Variants in CSGALNACT2 observed in about 807,000 individuals in gnomAD.
CSGALNACT2 encodes chondroitin sulfate N-acetylgalactosaminyltransferase 2.
CSGALNACT2 carries 35 observed loss-of-function variants against 55.3 expected under a neutral mutation model. That is an observed-to-expected ratio of 0.63 (90% CI 0.48 to 0.84). The LOEUF (loss-of-function observed/expected upper bound fraction) is 0.84. Ranked by LOEUF, CSGALNACT2 falls within the 40% of genes least tolerant of loss-of-function variation. The pLI is 0.00. For missense variants in CSGALNACT2, 544 were observed against 657.5 expected, an observed-to-expected ratio of 0.83 and a Z score of 1.89; for synonymous variants, 196 against 224.9, an observed-to-expected ratio of 0.87 and a Z score of 1.15.
chr10:43,158,893 A>G lies in CSGALNACT2; in HGVS notation c.840A>G (p.Glu280=). ...TTAATATCATTGTGCCACTTGCTGAAAGAACTGAAGCATTTGTACAATTTA... is the reference window on the plus strand; with the variant it reads ...TTAATATCATTGTGCCACTTGCTGAGAGAACTGAAGCATTTGTACAATTTA... ...SIINIIVPLA[E]RTEAFVQFMQ... The change falls in exon 3 of 8, where the codon GAA becomes GAG. Residue 280 remains glutamate (E), a synonymous_variant. Coordinates refer to ENST00000374466, the MANE Select transcript of CSGALNACT2 (RefSeq NM_018590.5). The G allele has an allele frequency of 6.2e-7, 1 of 1,611,294 alleles. No individual in the cohort carries two copies. The highest frequency in any genetic ancestry group is 8.5e-7 in the Non-Finnish European group (1 of 1,177,784).
Position 43,144,579 on chromosome 10 carries a change from T to A in CSGALNACT2, c.-254+6012T>A, listed in dbSNP as rs1054979594. ...AAACTGGAGGGGTTTTTTTTTGTTG[T>A]TGTTTTACAAATGCCTTTTTGGCAC... On this transcript the variant is annotated intron_variant, in intron 1 of 7. Coordinates refer to ENST00000374466, the MANE Select transcript of CSGALNACT2 (RefSeq NM_018590.5). 5.9e-5 allele frequency among the ~76,000 whole-genome samples: 9 copies of A among 152,338 alleles called. No homozygotes were observed. The East Asian group carries it at 1.3e-3, about 23-fold the overall frequency.
intron 4 of CSGALNACT2, chr10:43,162,365 G>A (rs1276920170): frequency 2.1e-5 from 25 of 1,199,186 alleles, no homozygotes; most frequent in Admixed American, 4.2e-5. Flanking sequence ...GGCCAGGTTG[G>A]GTGGGGGTAT....
At chr10:43,151,157 T>C (rs1838866081) in intron 1 of CSGALNACT2, among the ~76,000 whole-genome samples, 1 of 152,210 alleles carries the variant, frequency 6.6e-6, no homozygotes, top group African/African-American at 2.4e-5. Context: ...TTCCCACATC[T>C]GTCAGTTCTA....
intron 1 of CSGALNACT2, among the ~76,000 whole-genome samples, chr10:43,139,529 G>A (rs1258928838): frequency 6.6e-6 from 1 of 152,160 alleles, no homozygotes; most frequent in East Asian, 1.9e-4. Context: ...AAATCAATAA[G>A]AGCACGAATC....
At chr10:43,156,500 C>G (rs1839012488) in intron 2 of CSGALNACT2, among the ~76,000 whole-genome samples, 1 of 152,210 alleles carries the variant, frequency 6.6e-6, no homozygotes, top group African/African-American at 2.4e-5. Flanking sequence ...TAATTGCTGA[C>G]TTAAACCATT....
At position 43,156,715 on chromosome 10, in the gene CSGALNACT2, G is replaced by T. The variant is rs12571683; in HGVS notation, c.661+905G>T. ...ATTCTCATAAAGAGCGTGCAGTGTA[G>T]ATTCCTTGCATGTGCAGTTCACAAC... is the stretch of plus-strand genomic sequence containing the variant. On this transcript the variant is annotated intron_variant, in intron 2 of 7. Coordinates refer to ENST00000374466, the MANE Select transcript of CSGALNACT2 (RefSeq NM_018590.5). Among the ~76,000 whole-genome samples the T allele has an allele frequency of 8.4e-3, 1,281 of 152,334 alleles. 53 individuals carry two copies. In the East Asian group the frequency reaches 0.096, roughly 11 times the overall value.
chr10:43,168,863 C>T (rs1055184776), intron 6 of CSGALNACT2, among the ~76,000 whole-genome samples: 3 of 152,214 alleles, frequency 2.0e-5, no homozygotes, highest in East Asian at 1.9e-4. Flanking sequence ...TGTTAGCAGC[C>T]GTAAGTCTTG....
At position 43,167,050 on chromosome 10, in the gene CSGALNACT2, C is replaced by T. The variant is rs942012726; in HGVS notation, c.1206C>T (p.Ala402=). ...TGGTGTTCAGTCTTTACAATCCTGC[C>T]ATTGTTTATGCCAACCAGGAAGTGC... ...YPVVFSLYNP[A]IVYANQEVPP... The change falls in exon 6 of 8, where the codon GCC becomes GCT. Residue 402 remains alanine, a synonymous_variant. Transcript: ENST00000374466. The T allele has an allele frequency of 6.2e-7, 1 of 1,613,050 alleles. No homozygotes were observed. The highest frequency in any genetic ancestry group is 1.1e-5 in the South Asian group (1 of 91,038).
In CSGALNACT2 at chr10:43,183,534, G is replaced by A; in HGVS notation, c.1621G>A (p.Val541Ile). ...GGCATACAGGACAAACAGTGAAGCT[G>A]TTGGTTGAAATCATAATTAATGCGT... ...KQAYRTNSEAVG is the reference protein window; with the variant it reads ...KQAYRTNSEAIG The change falls in exon 8 of 8, where the codon GTT (valine) becomes ATT (isoleucine). Residue 541 changes from valine (V) to isoleucine (I), a missense_variant. This residue lies in a region of CSGALNACT2 where 170 missense variants were observed against 256.2 expected (regional missense o/e 0.66). Coordinates refer to ENST00000374466, the MANE Select transcript of CSGALNACT2 (RefSeq NM_018590.5). 1 of 1,613,300 alleles carries A rather than the reference G, an allele frequency of 6.2e-7. No homozygotes were observed. The highest frequency in any genetic ancestry group is 1.1e-5 in the South Asian group (1 of 91,054).
intron 1 of CSGALNACT2, among the ~76,000 whole-genome samples, chr10:43,147,334 G>C (rs1370272470): frequency 5.2e-5 from 3 of 57,574 alleles, no homozygotes; most frequent in African/African-American, 2.1e-4. Flanking sequence ...TTTTAATTGA[G>C]TTGTGTTTGT....
chr10:43,176,115 GT>G (rs1393384263), intron 7 of CSGALNACT2, 83 bp downstream of exon 7: 2 of 1,094,574 alleles, frequency 1.8e-6, no homozygotes, highest in Non-Finnish European at 1.3e-6. Flanking sequence ...AGATTTGAGT[GT>G]TTTCCTACTA....
chr10:43,160,034 G>A (rs1202590220), intron 3 of CSGALNACT2, among the ~76,000 whole-genome samples: 1 of 152,096 alleles, frequency 6.6e-6, no homozygotes, highest in Non-Finnish European at 1.5e-5. Flanking sequence ...GCCTTTCTTG[G>A]AATTACTTTC....
At chr10:43,181,235 C>G (rs1334703854) in intron 7 of CSGALNACT2, among the ~76,000 whole-genome samples, 1 of 152,200 alleles carries the variant, frequency 6.6e-6, no homozygotes, top group Non-Finnish European at 1.5e-5. Flanking sequence ...GTACTGGTCC[C>G]CACAGAGATT....
chr10:43,185,047 A>G lies in CSGALNACT2; in HGVS notation c.*1505A>G, dbSNP rs1216938807. The G allele has an allele frequency of 6.6e-6, 1 of 152,068 alleles. No homozygotes were observed. The highest frequency in any genetic ancestry group is 1.9e-4 in the East Asian group (1 of 5,204). The allele number at this position is 152,068 out of a possible 1,614,324, so 9.4% of individuals were successfully genotyped here. A position where few individuals can be genotyped will look rare whatever the true frequency, so the allele number is the denominator to read the frequency against. ...TGTTCTCTGCAAAATAATTCAGGCC[A>G]CTGTCTCCTTTTATATATTATTATA... On this transcript the variant is annotated 3_prime_UTR_variant, in exon 8 of 8. Coordinates refer to ENST00000374466, the MANE Select transcript of CSGALNACT2 (RefSeq NM_018590.5).
chr10:43,175,887 G>C, intron 6 of CSGALNACT2, 64 bp from the exon 7 acceptor site: 1 of 1,393,636 alleles, frequency 7.2e-7, no homozygotes, highest in Middle Eastern at 1.8e-4. Context: ...TTGTTTCATC[G>C]TTGATTAAAA....
intron 1 of CSGALNACT2, among the ~76,000 whole-genome samples, chr10:43,150,710 A>G (rs527623860): frequency 2.0e-5 from 3 of 152,072 alleles, no homozygotes; most frequent in Non-Finnish European, 2.9e-5. Context: ...CTTTATGGCT[A>G]TTTGGGATTG....
intron 2 of CSGALNACT2, among the ~76,000 whole-genome samples, 169 bp from the exon 3 acceptor site, chr10:43,158,546 T>G (rs1268732279): frequency 6.6e-6 from 1 of 152,224 alleles, no homozygotes; most frequent in African/African-American, 2.4e-5. Flanking sequence ...CCTTTTCTTT[T>G]AAGCGAGTAA....
At chr10:43,145,206 G>A (rs997581493) in intron 1 of CSGALNACT2, among the ~76,000 whole-genome samples, 2 of 152,150 alleles carry the variant, frequency 1.3e-5, no homozygotes, top group Non-Finnish European at 2.9e-5. Flanking sequence ...GAATCAGACA[G>A]CAACAAATCA....
At chr10:43,151,074 T>G (rs1311412100) in intron 1 of CSGALNACT2, among the ~76,000 whole-genome samples, 1 of 152,222 alleles carries the variant, frequency 6.6e-6, no homozygotes, top group African/African-American at 2.4e-5. Context: ...ATACCTCTAC[T>G]TAAATTTTTG....
Sources: allele counts gnomAD v4.1 joint callset (sites outside exome capture counted in the v4.1 genomes callset), GRCh38; gene constraint gnomAD v4.1.1; regional missense constraint gnomAD v4.1.1; transcripts MANE v1.5; gene names NCBI Gene and HGNC (gene_info 2026-07-23, HGNC 2026-07-21).